The following ZFYVE26 variants were observed in gnomAD, a reference collection of about 807,000 sequenced individuals.
ZFYVE26 encodes the protein zinc finger FYVE-type containing 26.
A neutral mutation model predicts 276.5 loss-of-function variants in ZFYVE26; 181 were observed. The ratio of observed to expected loss-of-function variants is 0.65; its 90% CI spans 0.58 to 0.74. ZFYVE26 has a LOEUF of 0.74. Ranked by LOEUF, ZFYVE26 falls within the 30% of genes least tolerant of loss-of-function variation. ZFYVE26 has a pLI of 0.00. For missense variants in ZFYVE26, 2,821 were observed against 3,097.9 expected (o/e 0.91, Z 2.12); for synonymous variants, 1,129 against 1,203.1 (o/e 0.94, Z 1.27).
chr14:67,741,661 A>C, downstream of ZFYVE26, among the ~76,000 whole-genome samples: 1 of 152,136 alleles, frequency 6.6e-6, no homozygotes, highest in East Asian at 1.9e-4. Context: ...ACAGTAAATA[A>C]CTCACCTCAA....
intron 13 of ZFYVE26, chr14:67,735,476 C>T (rs779814692): frequency 6.9e-6 from 4 of 576,710 alleles, no homozygotes; most frequent in East Asian, 2.8e-5. Flanking sequence ...GATTGGTGGC[C>T]GAGACACCGT....
intron 36 of ZFYVE26, 34 bp downstream of exon 36, chr14:67,755,914 A>G (rs2038766621): frequency 1.2e-6 from 2 of 1,612,622 alleles, no homozygotes; most frequent in Non-Finnish European, 1.7e-6. Flanking sequence ...GGCACCAGCA[A>G]CAGAGGTAGA....
At chr14:67,761,668 T>TTC in intron 34 of ZFYVE26, 84 bp from the exon 35 acceptor site, 1 of 1,234,250 alleles carries the variant, frequency 8.1e-7, no homozygotes, top group Non-Finnish European at 1.2e-6. Flanking sequence ...AAAGAATATT[T>TTC]AACAATGTGC....
At position 67,789,455 on chromosome 14, in the gene ZFYVE26, G is replaced by A. The variant is rs772552292; in HGVS notation, c.2899C>T (p.Leu967Phe). The A allele has an allele frequency of 6.2e-7, 1 of 1,614,198 alleles. No homozygotes were observed. The highest frequency in any genetic ancestry group is 8.5e-7 in the Non-Finnish European group (1 of 1,180,034). The change falls in exon 16 of 42, where the codon CTC becomes TTC. Residue 967 changes from leucine (L) to phenylalanine (F), a missense_variant. By Grantham distance (22) the Leu-to-Phe change is conservative. Coordinates refer to ENST00000347230, the MANE Select transcript of ZFYVE26 (RefSeq NM_015346.4). ...TAPLREVLED[L>F]SPPAMAAFDL... ...AATGCAGCCATGGCAGGGGGACTGA[G>A]GTCTTCCAGAACCTCTCTCAGGGGA...
intron 14 of ZFYVE26, among the ~76,000 whole-genome samples, chr14:67,729,015 T>C (rs943660025): frequency 6.6e-6 from 1 of 152,228 alleles, no homozygotes; most frequent in Admixed American, 6.5e-5. Context: ...TAGATCTTTC[T>C]GAAAGATCAA....
Position 67,747,041 on chromosome 14 carries a change from C to T in ZFYVE26, c.*1395G>A, listed in dbSNP as rs2038502022. On this transcript the variant is annotated 3_prime_UTR_variant, in exon 42 of 42. Transcript: ENST00000347230. ...ACAGGGTTTCTGAGCACCAGAGACA[C>T]TGACTTCAGCTTCCAGTTTCTGTTT... 6.6e-6 allele frequency: 1 copy of T among 152,646 alleles called. No homozygotes were observed. Among genetic ancestry groups the T allele is most frequent in the South Asian group, 2.1e-4 (1 of 4,826 alleles). 9.5% of individuals were successfully genotyped at this position (152,646 alleles called of 1,614,324 possible).
At chr14:67,769,787 T>A (rs886445108) in intron 28 of ZFYVE26, 57 bp from the exon 29 acceptor site, 1 of 1,610,894 alleles carries the variant, frequency 6.2e-7, no homozygotes, top group Non-Finnish European at 8.5e-7. Context: ...GAGATTGCCA[T>A]CAATCCATTT....
intron 9 of ZFYVE26, among the ~76,000 whole-genome samples, chr14:67,803,444 T>A (rs1436215096): frequency 6.6e-5 from 10 of 152,090 alleles, no homozygotes; most frequent in African/African-American, 2.4e-4. Flanking sequence ...CGGGTTCAAG[T>A]GATTCTCCTG....
At chr14:67,792,912 T>TTAA (rs1271593149) in intron 14 of ZFYVE26, among the ~76,000 whole-genome samples, 1 of 10,316 alleles carries the variant, frequency 9.7e-5, no homozygotes, top group Non-Finnish European at 1.7e-4. Context: ...CAAATCTGTC[T>TTAA]CAAAAAAAAA....
At chr14:67,776,636 G>A (rs868720856) in intron 25 of ZFYVE26, among the ~76,000 whole-genome samples, 11 of 152,194 alleles carry the variant, frequency 7.2e-5, no homozygotes, top group African/African-American at 2.7e-4. Flanking sequence ...AGTGTCAGTA[G>A]TCTAATGAAA....
chr14:67,815,622 G>C (rs2040386043), intron 2 of ZFYVE26, 148 bp downstream of exon 2: 2 of 783,286 alleles, frequency 2.6e-6, no homozygotes, highest in Non-Finnish European at 4.5e-6. Flanking sequence ...GTATACTATA[G>C]AGGTAAAATT....
intron 32 of ZFYVE26, among the ~76,000 whole-genome samples, chr14:67,763,855 C>A (rs553797424): frequency 2.0e-5 from 3 of 152,338 alleles, no homozygotes; most frequent in African/African-American, 7.2e-5. Flanking sequence ...TAGGGGCTTA[C>A]AAGTGACCCA....
In ZFYVE26 at chr14:67,759,356, G is replaced by A. The variant is rs1299167667; in HGVS notation, c.6588+2010C>T. Among the ~76,000 whole-genome samples the A allele has an allele frequency of 2.0e-5, 3 of 151,890 alleles. No individual in the cohort carries two copies. The East Asian group carries it at 5.8e-4, about 29-fold the overall frequency. On this transcript the variant is annotated intron_variant, in intron 35 of 41. Coordinates refer to ENST00000347230, the MANE Select transcript of ZFYVE26 (RefSeq NM_015346.4). ...AGACAGTGCATGGTGGCCAGGCGCG[G>A]TGGCTCACGCCTATAATCCCAGCAC...
At position 67,775,102 on chromosome 14, in the gene ZFYVE26, T is replaced by C; in HGVS notation, c.5234A>G (p.His1745Arg). Residue 1745 changes from histidine to arginine, a missense_variant, in exon 27 of 42, where the codon CAC becomes CGC. Transcript: ENST00000347230. The stretch of plus-strand genomic sequence containing the variant: ...AGCCTGGTGGACAATTTCTTGGAGG[T>C]GAATCACAGAATCTGTAGAGAGGGA... ...QREKRSDSVIHLQEIVHQAAD... is the reference protein window; with the variant it reads ...QREKRSDSVIRLQEIVHQAAD... 6.2e-7 allele frequency: 1 copy of C among 1,609,360 alleles called. No individual in the cohort carries two copies. The highest frequency in any genetic ancestry group is 8.5e-7 in the Non-Finnish European group (1 of 1,178,008).
intron 35 of ZFYVE26, among the ~76,000 whole-genome samples, chr14:67,757,733 A>G (rs34666247): frequency 0.15 from 20,756 of 142,942 alleles, 1,480 homozygotes; most frequent in Middle Eastern, 0.24. Context: ...TTCTTTTTTT[A>G]AGACAGAATC....
At chr14:67,794,820 C>T (rs1566891008) in intron 12 of ZFYVE26, among the ~76,000 whole-genome samples, 2 of 152,130 alleles carry the variant, frequency 1.3e-5, no homozygotes, top group Admixed American at 1.3e-4. Context: ...AGGTGGCATG[C>T]ACCTGTAGTC....
At chr14:67,792,639 C>T (rs2039843462) in intron 14 of ZFYVE26, among the ~76,000 whole-genome samples, 1 of 152,112 alleles carries the variant, frequency 6.6e-6, no homozygotes, top group African/African-American at 2.4e-5. Flanking sequence ...AGACTGGGCG[C>T]AATGGCTCAT....
intron 41 of ZFYVE26, 153 bp downstream of exon 41, chr14:67,750,899 C>A: frequency 1.1e-6 from 1 of 952,104 alleles, no homozygotes; most frequent in Non-Finnish European, 1.7e-6. Flanking sequence ...CCTTTCTACA[C>A]CCCTATCCAA....
intron 35 of ZFYVE26, among the ~76,000 whole-genome samples, chr14:67,757,146 C>T (rs896643025): frequency 6.6e-6 from 1 of 152,186 alleles, no homozygotes; most frequent in African/African-American, 2.4e-5. Context: ...CTGCCATCAT[C>T]GTTTGTCTGG....
Sources: allele counts gnomAD v4.1 joint callset (sites outside exome capture counted in the v4.1 genomes callset), GRCh38; gene constraint gnomAD v4.1.1; transcripts MANE v1.5; gene names NCBI Gene and HGNC (gene_info 2026-07-23, HGNC 2026-07-21).